FCHO2: variants seen among roughly 807,000 people sequenced by gnomAD.
FCHO2 encodes FCH and mu domain containing endocytic adaptor 2.
FCHO2 carries 43 observed loss-of-function variants against 114.1 expected under a neutral mutation model. The observed-to-expected ratio is 0.38, with a 90% CI of 0.30 to 0.49. The LOEUF (loss-of-function observed/expected upper bound fraction) is 0.49. Ranked by LOEUF, FCHO2 falls within the 20% of genes least tolerant of loss-of-function variation. The pLI is 0.97. For synonymous variants in FCHO2, 293 were observed against 315.2 expected (o/e 0.93, Z 0.75); for missense variants, 807 against 950.4 (o/e 0.85, Z 1.98).
intron 6 of FCHO2, among the ~76,000 whole-genome samples, chr5:73,010,348 A>G (rs965173064): frequency 6.6e-6 from 1 of 152,168 alleles, no homozygotes; most frequent in African/African-American, 2.4e-5. Context: ...AATTAATGAG[A>G]CACTTGAAAC....
At chr5:73,034,511 G>T (rs1372701971) in intron 8 of FCHO2, 146 bp from the exon 9 acceptor site, 6 of 510,682 alleles carry the variant, frequency 1.2e-5, no homozygotes, top group Non-Finnish European at 2.0e-5. Context: ...TAATTATTAG[G>T]TAACAACTAG....
chr5:73,043,966 G>T (rs1756933150), intron 11 of FCHO2, among the ~76,000 whole-genome samples: 1 of 152,150 alleles, frequency 6.6e-6, no homozygotes, highest in Admixed American at 6.5e-5. Context: ...TTGGAGGAAG[G>T]GATTGGTGGG....
chr5:73,058,441 C>T lies in FCHO2; in HGVS notation c.1262C>T (p.Thr421Ile). 6.4e-7 allele frequency: 1 copy of T among 1,556,436 alleles called. No homozygotes were observed. The highest frequency in any genetic ancestry group is 1.9e-5 in the Admixed American group (1 of 53,476). The change falls in exon 17 of 26, where the codon ACC (threonine) becomes ATC (isoleucine). Residue 421 changes from threonine (T) to isoleucine (I), a missense_variant. Thr to Ile is a moderately conservative substitution (Grantham distance 89). Transcript: ENST00000430046. ...KPSAPPNEKGTSDLLAWDPLF... is the reference protein window; with the variant it reads ...KPSAPPNEKGISDLLAWDPLF... The stretch of plus-strand genomic sequence containing the variant: ...TAAAAATATTATGGTAGAAAAGGAA[C>T]CAGTGATTTACTTGCTTGGGACCCC...
At chr5:73,000,471 T>TAA (rs759939269) in intron 5 of FCHO2, among the ~76,000 whole-genome samples, 7 of 74,398 alleles carry the variant, frequency 9.4e-5, no homozygotes, top group African/African-American at 1.7e-4. Flanking sequence ...AACTCAGTCT[T>TAA]AAAAAAAAAA....
intron 19 of FCHO2, among the ~76,000 whole-genome samples, chr5:73,069,586 G>A (rs1335016552): frequency 6.6e-6 from 1 of 151,976 alleles, no homozygotes; most frequent in African/African-American, 2.4e-5. Context: ...TGATCTGACT[G>A]GAGGCAGAGC....
chr5:72,980,317 G>A (rs1279892891), intron 2 of FCHO2, among the ~76,000 whole-genome samples: 3 of 152,170 alleles, frequency 2.0e-5, no homozygotes, highest in African/African-American at 7.2e-5. Flanking sequence ...GAGACTGTTT[G>A]TTATGATTTC....
chr5:73,025,549 T>G (rs928207633), intron 8 of FCHO2, among the ~76,000 whole-genome samples: 2 of 152,078 alleles, frequency 1.3e-5, no homozygotes, highest in African/African-American at 4.8e-5. Context: ...TGGCTAATTT[T>G]TGTATTTTTA....
At chr5:73,035,827 A>G (rs1256343986) in intron 9 of FCHO2, among the ~76,000 whole-genome samples, 2 of 151,790 alleles carry the variant, frequency 1.3e-5, no homozygotes, top group Non-Finnish European at 1.5e-5. Flanking sequence ...TCAAAGAGTA[A>G]ACACCTAAGT....
At chr5:73,074,308 G>C (rs968104813) in intron 19 of FCHO2, among the ~76,000 whole-genome samples, 1 of 151,888 alleles carries the variant, frequency 6.6e-6, no homozygotes, top group African/African-American at 2.4e-5. Context: ...ATAATAATGA[G>C]TAGTGTATGA....
chr5:73,088,193 T>C lies in FCHO2; in HGVS notation c.*103T>C. ...TTAACTTGTATGATGTCTTTCAAAC[T>C]TAGACATATTTGAGAGCTGACTACA... On this transcript the variant is annotated 3_prime_UTR_variant, in exon 26 of 26. Transcript: ENST00000430046. The C allele has an allele frequency of 3.4e-6, 5 of 1,470,008 alleles. No homozygotes were observed. Among genetic ancestry groups the C allele is most frequent in the African/African-American group, 1.4e-5 (1 of 71,932 alleles). The allele number at this position is 1,470,008 out of a possible 1,614,324, so 91.1% of individuals were successfully genotyped here. A position where few individuals can be genotyped will look rare whatever the true frequency, so the allele number is the denominator to read the frequency against.
chr5:73,018,806 T>C (rs1042382301), intron 8 of FCHO2, among the ~76,000 whole-genome samples: 10 of 152,218 alleles, frequency 6.6e-5, no homozygotes, highest in African/African-American at 2.4e-4. Context: ...TACTTCCCTG[T>C]TCTCTACCCT....
chr5:73,051,861 C>T (rs932756890), intron 12 of FCHO2, among the ~76,000 whole-genome samples: 3 of 152,014 alleles, frequency 2.0e-5, no homozygotes, highest in African/African-American at 7.2e-5. Flanking sequence ...TGAGCTAACC[C>T]GACTGGCCTT....
intron 24 of FCHO2, among the ~76,000 whole-genome samples, chr5:73,086,136 C>T (rs1158028981): frequency 6.6e-6 from 1 of 150,710 alleles, no homozygotes; most frequent in South Asian, 2.1e-4. Context: ...AAAAAAAAAA[C>T]ACAAAAAATT....
chr5:73,020,432 C>T (rs1755556944), intron 8 of FCHO2, among the ~76,000 whole-genome samples: 1 of 152,166 alleles, frequency 6.6e-6, no homozygotes, highest in Non-Finnish European at 1.5e-5. Context: ...CATTCAGCAG[C>T]AGAATGGGGA....
chr5:73,030,161 C>T (rs951576578), intron 8 of FCHO2, among the ~76,000 whole-genome samples: 1 of 151,748 alleles, frequency 6.6e-6, no homozygotes, highest in African/African-American at 2.4e-5. Context: ...CCTGCCTCAG[C>T]CTCCCAAGTA....
chr5:73,074,162 C>G (rs997643074), intron 19 of FCHO2, among the ~76,000 whole-genome samples: 9 of 150,300 alleles, frequency 6.0e-5, no homozygotes, highest in Non-Finnish European at 1.0e-4. Flanking sequence ...GGTGTCTTAT[C>G]TGAGTGAACT....
intron 5 of FCHO2, among the ~76,000 whole-genome samples, chr5:73,000,965 C>G (rs1169895525): frequency 1.3e-5 from 2 of 151,930 alleles, no homozygotes; most frequent in Non-Finnish European, 2.9e-5. Flanking sequence ...TGAGGCCATT[C>G]AGTTTCTATA....
chr5:72,970,946 C>T (rs1580010733), intron 2 of FCHO2, among the ~76,000 whole-genome samples: 3 of 152,090 alleles, frequency 2.0e-5, no homozygotes, highest in South Asian at 2.1e-4. Context: ...TGAGAATATG[C>T]GGTGTTTGGT....
chr5:72,990,648 G>C (rs1284850230), intron 4 of FCHO2, 29 bp downstream of exon 4: 2 of 1,526,836 alleles, frequency 1.3e-6, no homozygotes, highest in East Asian at 4.8e-5. Context: ...TTAAATAATT[G>C]ATTGGTCAGA....
Sources: allele counts gnomAD v4.1 joint callset (sites outside exome capture counted in the v4.1 genomes callset), GRCh38; gene constraint gnomAD v4.1.1; transcripts MANE v1.5; gene names NCBI Gene and HGNC (gene_info 2026-07-23, HGNC 2026-07-21).